Variants in ARHGEF4 observed in about 807,000 individuals in gnomAD.
ARHGEF4 encodes APC-stimulated guanine nucleotide exchange factor 1.
A neutral mutation model predicts 162.0 loss-of-function variants in ARHGEF4; 119 were observed. The observed-to-expected ratio is 0.73, with a 90% CI of 0.63 to 0.86. The LOEUF is 0.86. Among genes scored for constraint, ARHGEF4 ranks in the 40% least tolerant of loss-of-function variants. ARHGEF4 has a pLI of 0.00. For missense variants in ARHGEF4, 2,488 were observed against 2,456.0 expected, an observed-to-expected ratio of 1.01 and a Z score of -0.28; for synonymous variants, 1,014 against 979.9, an observed-to-expected ratio of 1.03 and a Z score of -0.65.
intron 4 of ARHGEF4, among the ~76,000 whole-genome samples, chr2:131,001,498 A>G (rs1687768169): frequency 6.6e-6 from 1 of 152,192 alleles, no homozygotes; most frequent in South Asian, 2.1e-4. Context: ...CATACCCTTC[A>G]CATTGGCAGA....
At chr2:130,902,156 T>C (rs1680520633) in intron 1 of ARHGEF4, among the ~76,000 whole-genome samples, 1 of 152,194 alleles carries the variant, frequency 6.6e-6, no homozygotes. Flanking sequence ...AGCCTCTCCA[T>C]TTTGTCACTT....
Position 130,914,064 on chromosome 2 carries a change from G to A in ARHGEF4, c.118G>A (p.Val40Met). ...GCTCCCCACATCCCCTGCAGAACAAGTGGAGCAGGGATGGAACCAGCAAAC... is the reference window on the plus strand; with the variant it reads ...GCTCCCCACATCCCCTGCAGAACAAATGGAGCAGGGATGGAACCAGCAAAC... ...NQLPTSPAEQ[V>M]EQGWNQQTDR... is the part of the protein sequence containing the mutation. The change falls in exon 2 of 14, where the codon GTG (valine) becomes ATG (methionine). Residue 40 changes from valine (V) to methionine (M), a missense_variant. Val to Met is a conservative substitution (Grantham distance 21, BLOSUM62 1). Coordinates refer to ENST00000409359, the MANE Select transcript of ARHGEF4 (RefSeq NM_001367493.1). The A allele has an allele frequency of 6.5e-7, 1 of 1,536,164 alleles. No homozygotes were observed. The highest frequency in any genetic ancestry group is 8.7e-7 in the Non-Finnish European group (1 of 1,146,910).
chr2:130,884,215 A>G (rs908501859), intron 1 of ARHGEF4, among the ~76,000 whole-genome samples: 1 of 149,914 alleles, frequency 6.7e-6, no homozygotes, highest in African/African-American at 2.5e-5. Flanking sequence ...GAGAGCATTC[A>G]CAGAAACTCA....
intron 1 of ARHGEF4, among the ~76,000 whole-genome samples, chr2:130,840,649 A>G (rs1680542597): frequency 6.6e-6 from 1 of 152,208 alleles, no homozygotes. Context: ...GGAAATTGCC[A>G]TAGGACAGGT....
chr2:130,960,866 C>A (rs1226234378), intron 4 of ARHGEF4, among the ~76,000 whole-genome samples: 1 of 152,142 alleles, frequency 6.6e-6, no homozygotes, highest in Non-Finnish European at 1.5e-5. Context: ...CAAATGGGGA[C>A]ACTCTACCCT....
chr2:130,842,178 C>T (rs1680656709), intron 1 of ARHGEF4, among the ~76,000 whole-genome samples: 1 of 152,106 alleles, frequency 6.6e-6, no homozygotes, highest in East Asian at 1.9e-4. Flanking sequence ...GGGTGACTTG[C>T]TGGGGAGGGC....
intron 1 of ARHGEF4, among the ~76,000 whole-genome samples, chr2:130,910,611 G>A (rs923434098): frequency 2.0e-5 from 3 of 152,168 alleles, no homozygotes; most frequent in East Asian, 3.9e-4. Context: ...TAAGACTTCC[G>A]AGGATTTAAA....
intron 3 of ARHGEF4, 88 bp from the exon 4 acceptor site, chr2:130,946,421 C>T (rs541129504): frequency 6.7e-7 from 1 of 1,491,368 alleles, no homozygotes; most frequent in South Asian, 1.3e-5. Context: ...ATGAAAAGTC[C>T]TCAGCAATTA....
chr2:130,868,147 G>A (rs1050371379), intron 1 of ARHGEF4, among the ~76,000 whole-genome samples: 3 of 151,900 alleles, frequency 2.0e-5, no homozygotes, highest in East Asian at 3.9e-4. Flanking sequence ...GGATCGTCTC[G>A]ATCTCCCGAC....
At chr2:131,039,239 G>C (rs1690561785) in intron 6 of ARHGEF4, 2 of 1,281,026 alleles carry the variant, frequency 1.6e-6, no homozygotes, top group South Asian at 3.3e-5. Flanking sequence ...TCGGGGGCCA[G>C]AGAGGAGAGC....
chr2:130,915,920 C>G lies in ARHGEF4; in HGVS notation c.1974C>G (p.Asp658Glu). The G allele has an allele frequency of 1.3e-6, 2 of 1,550,590 alleles. No homozygotes were observed. Among genetic ancestry groups the G allele is most frequent in the Non-Finnish European group, 1.7e-6 (2 of 1,146,992 alleles). ...CTGTTCCAGAAACACTGCCCCGTGACTTTCCTAAGGAAAGACCAGAATCTC... is the reference window on the plus strand; with the variant it reads ...CTGTTCCAGAAACACTGCCCCGTGAGTTTCCTAAGGAAAGACCAGAATCTC... ...AGPVPETLPR[D>E]FPKERPESPL... is the part of the protein sequence containing the mutation. Residue 658 changes from aspartate (D) to glutamate (E), a missense_variant, in exon 2 of 14, where the codon GAC becomes GAG. By Grantham distance (45) the Asp-to-Glu change is conservative. This residue lies in a region of ARHGEF4 where 1,642 missense variants were observed against 1,481.5 expected (regional missense o/e 1.11). Coordinates refer to ENST00000409359, the MANE Select transcript of ARHGEF4 (RefSeq NM_001367493.1).
At position 130,916,132 on chromosome 2, in the gene ARHGEF4, C is replaced by T; in HGVS notation, c.2186C>T (p.Thr729Ile). The change falls in exon 2 of 14, where the codon ACA (threonine) becomes ATA (isoleucine). Residue 729 changes from threonine to isoleucine, a missense_variant. By Grantham distance (89) the Thr-to-Ile change is moderately conservative. Around this residue, in one of 6 missense-constraint regions of ARHGEF4, gnomAD observed 1,642 missense variants for 1,481.5 expected, o/e 1.11. Coordinates refer to ENST00000409359, the MANE Select transcript of ARHGEF4 (RefSeq NM_001367493.1). ...PQAASEETPS[T>I]EEPPGERLRG... is the part of the protein sequence containing the mutation. ...GCTGCTTCGGAAGAGACGCCGAGCA[C>T]AGAGGAGCCCCCGGGAGAGAGACTG... is the stretch of plus-strand genomic sequence containing the variant. The T allele has an allele frequency of 1.9e-6, 3 of 1,549,524 alleles. No individual in the cohort carries two copies. The highest frequency in any genetic ancestry group is 1.7e-6 in the Non-Finnish European group (2 of 1,146,914).
intron 5 of ARHGEF4, chr2:131,035,244 C>G: frequency 8.2e-7 from 1 of 1,224,604 alleles, no homozygotes; most frequent in East Asian, 3.2e-5. Flanking sequence ...TACTGATCTT[C>G]CTGCTGGCCT....
At chr2:130,999,258 C>A (rs1254883669) in intron 4 of ARHGEF4, among the ~76,000 whole-genome samples, 2 of 151,280 alleles carry the variant, frequency 1.3e-5, no homozygotes, top group Admixed American at 1.3e-4. Flanking sequence ...GGTTCACGCC[C>A]ATTCTCCTGA....
intron 4 of ARHGEF4, chr2:131,011,570 C>T (rs1281076658): frequency 6.8e-7 from 1 of 1,480,586 alleles, no homozygotes; most frequent in African/African-American, 1.4e-5. Context: ...ATATCAGCCA[C>T]TTTGGACAGC....
At chr2:130,856,310 A>G (rs1301530269) in intron 1 of ARHGEF4, among the ~76,000 whole-genome samples, 1 of 152,260 alleles carries the variant, frequency 6.6e-6, no homozygotes. Flanking sequence ...TTTGAAGAAC[A>G]GATGTGAAAA....
intron 12 of ARHGEF4, 58 bp from the exon 13 acceptor site, chr2:131,045,311 G>A (rs1195912074): frequency 6.7e-7 from 1 of 1,482,280 alleles, no homozygotes; most frequent in Non-Finnish European, 9.3e-7. Flanking sequence ...AGGTGTGCAG[G>A]GAACTGCACC....
chr2:130,891,476 T>G (rs1466735054), intron 1 of ARHGEF4, among the ~76,000 whole-genome samples: 1 of 152,214 alleles, frequency 6.6e-6, no homozygotes. Context: ...TACTCTACTC[T>G]GCCATTGTAG....
intron 4 of ARHGEF4, among the ~76,000 whole-genome samples, chr2:131,009,983 C>A (rs1002282647): frequency 6.6e-6 from 1 of 151,634 alleles, no homozygotes; most frequent in Non-Finnish European, 1.5e-5. Flanking sequence ...TTGTTTTTTC[C>A]GACCTTTTAG....
Sources: gnomAD v4.1 joint callset for allele counts (sites outside exome capture counted in the v4.1 genomes callset) on GRCh38, gnomAD v4.1.1 for gene constraint, gnomAD v4.1.1 regional missense constraint, MANE v1.5 for transcripts, NCBI Gene and HGNC (gene_info 2026-07-23, HGNC 2026-07-21) for gene names.